The following KSR2 variants were observed in gnomAD, a reference collection of about 807,000 sequenced individuals.
KSR2 encodes kinase suppressor of ras 2.
In KSR2, 25 loss-of-function variants were observed where a neutral mutation model predicts 107.8. The observed-to-expected ratio is 0.23, with a 90% CI of 0.17 to 0.32. The LOEUF (loss-of-function observed/expected upper bound fraction) is 0.32, where lower values mean the gene tolerates loss of function less well. KSR2 is among the 10% of genes least tolerant of loss of function. The pLI is 1.00. For synonymous variants in KSR2, 480 were observed against 507.0 expected, an observed-to-expected ratio of 0.95 and a Z score of 0.71; for missense variants, 887 against 1,268.9, an observed-to-expected ratio of 0.70 and a Z score of 4.57.
At chr12:117,774,077 G>T (rs1566007675) in intron 3 of KSR2, among the ~76,000 whole-genome samples, 1 of 152,130 alleles carries the variant, frequency 6.6e-6, no homozygotes, top group Non-Finnish European at 1.5e-5. Flanking sequence ...CCATTGGAGG[G>T]TTCTCTGGAG....
chr12:117,703,400 A>G (rs1453215488), intron 4 of KSR2, among the ~76,000 whole-genome samples: 1 of 151,896 alleles, frequency 6.6e-6, no homozygotes, highest in East Asian at 1.9e-4. Context: ...GAGAGTGGGC[A>G]CCTCCCTAAA....
chr12:117,455,030 CAGACAG>C lies in KSR2; in HGVS notation c.*12163_*12168del, dbSNP rs59974454. ...AGACAGAGACAGACACAGAGACAGA[CAGACAG>C]AGAGAGAGAGAGAGAGAGAGAGAGA... On this transcript the variant is annotated 3_prime_UTR_variant, in exon 20 of 20. Coordinates refer to ENST00000339824, the MANE Select transcript of KSR2 (RefSeq NM_173598.6). The C allele has an allele frequency of 0.21, 24,920 of 119,924 alleles. 2,991 individuals are homozygous for C. The highest frequency in any genetic ancestry group is 0.27 in the Non-Finnish European group (16,377 of 61,066). 7.4% of individuals were successfully genotyped at this position (119,924 alleles called of 1,614,324 possible).
At chr12:117,877,962 A>G (rs186212835) in intron 1 of KSR2, among the ~76,000 whole-genome samples, 6 of 152,272 alleles carry the variant, frequency 3.9e-5, no homozygotes, top group Admixed American at 3.3e-4. Context: ...GCCCGGCCCT[A>G]TGAGAGATGG....
At chr12:117,737,844 T>A (rs1274721139) in intron 4 of KSR2, among the ~76,000 whole-genome samples, 1 of 132,332 alleles carries the variant, frequency 7.6e-6, no homozygotes, top group Non-Finnish European at 1.6e-5. Flanking sequence ...AACGAACACA[T>A]CTGATGAATC....
At chr12:117,648,284 C>T (rs1037295564) in intron 5 of KSR2, among the ~76,000 whole-genome samples, 4 of 151,250 alleles carry the variant, frequency 2.6e-5, no homozygotes, top group Admixed American at 6.6e-5. Context: ...TTGGACTGGA[C>T]GTTGACTGCC....
intron 5 of KSR2, among the ~76,000 whole-genome samples, chr12:117,630,579 G>A (rs1488859950): frequency 5.9e-5 from 9 of 152,118 alleles, no homozygotes; most frequent in Non-Finnish European, 1.3e-4. Context: ...CAAAGATCTC[G>A]TTGTCTGCAG....
In KSR2 at chr12:117,779,572, C is replaced by A. The variant is rs535890503; in HGVS notation, c.473-18048G>T. Among the ~76,000 whole-genome samples, 5 of 152,290 alleles carry A rather than the reference C, an allele frequency of 3.3e-5. No homozygotes were observed. In the South Asian group the frequency reaches 1.0e-3, roughly 32 times the overall value. On this transcript the variant is annotated intron_variant, in intron 3 of 19. Transcript: ENST00000339824. ...CTCTCATCTCGAATTGTAATCCCCA[C>A]GTGTCAAGGGAGGGACCTGGTGGGA... is the stretch of plus-strand genomic sequence containing the variant.
intron 1 of KSR2, among the ~76,000 whole-genome samples, chr12:117,933,314 GC>G (rs1895745727): frequency 6.6e-6 from 1 of 152,190 alleles, no homozygotes; most frequent in Non-Finnish European, 1.5e-5. Flanking sequence ...TTGTTGGCCA[GC>G]CGTGGTGGCT....
intron 4 of KSR2, among the ~76,000 whole-genome samples, chr12:117,726,173 A>AACAT (rs533827262): frequency 1.1e-4 from 16 of 152,288 alleles, no homozygotes; most frequent in Middle Eastern, 3.4e-3. Context: ...ATCTCAAAAA[A>AACAT]AACATAAAAT....
chr12:117,852,261 A>C (rs1348859419), intron 3 of KSR2, among the ~76,000 whole-genome samples: 1 of 129,420 alleles, frequency 7.7e-6, no homozygotes, highest in Non-Finnish European at 1.7e-5. Flanking sequence ...CGTCTCTACT[A>C]AAATACAAAA....
At chr12:117,566,208 G>A (rs903049054) in intron 7 of KSR2, among the ~76,000 whole-genome samples, 5 of 151,824 alleles carry the variant, frequency 3.3e-5, no homozygotes, top group East Asian at 1.9e-4. Context: ...TGCAACTTCC[G>A]CCCCCAGTTC....
chr12:117,830,755 A>G (rs1163842329), intron 3 of KSR2, among the ~76,000 whole-genome samples: 1 of 152,188 alleles, frequency 6.6e-6, no homozygotes, highest in African/African-American at 2.4e-5. Context: ...AGACAGCTGC[A>G]ACTTTGACCA....
At chr12:117,845,280 G>A (rs184724489) in intron 3 of KSR2, among the ~76,000 whole-genome samples, 14 of 152,306 alleles carry the variant, frequency 9.2e-5, no homozygotes, top group Admixed American at 2.6e-4. Flanking sequence ...CTGAGACACA[G>A]ACCCACGCAG....
intron 4 of KSR2, among the ~76,000 whole-genome samples, chr12:117,715,807 A>G (rs541376737): frequency 1.3e-5 from 2 of 152,172 alleles, no homozygotes; most frequent in African/African-American, 4.8e-5. Context: ...CATCAACAAC[A>G]TGCCATATAT....
At chr12:117,753,507 T>C (rs894070685) in intron 4 of KSR2, among the ~76,000 whole-genome samples, 22 of 152,174 alleles carry the variant, frequency 1.4e-4, no homozygotes, top group African/African-American at 4.8e-4. Context: ...ATCATGTCCT[T>C]TGCAGGAACA....
At chr12:117,646,961 G>A (rs1045272459) in intron 5 of KSR2, among the ~76,000 whole-genome samples, 1 of 152,162 alleles carries the variant, frequency 6.6e-6, no homozygotes, top group Non-Finnish European at 1.5e-5. Context: ...GGAGAGGAGA[G>A]GGAGAAAGAG....
At chr12:117,760,890 C>G in intron 4 of KSR2, 121 bp downstream of exon 4, 1 of 1,265,392 alleles carries the variant, frequency 7.9e-7, no homozygotes, top group Non-Finnish European at 1.1e-6. Context: ...TTTCATTCAA[C>G]CAGAGTCTGG....
At position 117,558,498 on chromosome 12, in the gene KSR2, A is replaced by T; in HGVS notation, c.1393+8T>A. On this transcript the variant is annotated splice_region_variant and intron_variant, in intron 8 of 19. Coordinates refer to ENST00000339824, the MANE Select transcript of KSR2 (RefSeq NM_173598.6). ...CTGCCCCTAGGGCAGTAAGTGTTAA[A>T]TAGTTACCTCCTCGGTGGATGATCA... The T allele has an allele frequency of 1.2e-6, 2 of 1,613,538 alleles. No homozygotes were observed. The highest frequency in any genetic ancestry group is 1.7e-6 in the Non-Finnish European group (2 of 1,179,526).
At chr12:117,649,629 C>A (rs1013277507) in intron 5 of KSR2, among the ~76,000 whole-genome samples, 1 of 152,126 alleles carries the variant, frequency 6.6e-6, no homozygotes, top group African/African-American at 2.4e-5. Context: ...AAGATCTGAA[C>A]CCAGGCTTGT....
Sources: gnomAD v4.1 joint callset for allele counts (sites outside exome capture counted in the v4.1 genomes callset) on GRCh38, gnomAD v4.1.1 for gene constraint, MANE v1.5 for transcripts, NCBI Gene and HGNC (gene_info 2026-07-23, HGNC 2026-07-21) for gene names.